The following VWA8 variants were observed in gnomAD, a reference collection of about 807,000 sequenced individuals.
VWA8 encodes von Willebrand factor A domain containing 8.
A neutral mutation model predicts 241.5 loss-of-function variants in VWA8; 221 were observed. The ratio of observed to expected loss-of-function variants is 0.91; its 90% CI spans 0.82 to 1.02. The LOEUF (loss-of-function observed/expected upper bound fraction) is 1.02, where lower values mean the gene tolerates loss of function less well. Among genes scored for constraint, VWA8 ranks in the 50% least tolerant of loss-of-function variants. The probability of loss-of-function intolerance (pLI) is 0.00; values close to 1 mark genes in which losing one functional copy is unlikely to be tolerated. For synonymous variants in VWA8, 852 were observed against 827.1 expected (o/e 1.03, Z -0.52); for missense variants, 2,322 against 2,328.7 (o/e 1.00, Z 0.06).
At position 41,581,442 on chromosome 13, in the gene VWA8, T is replaced by G. The variant is rs533023026; in HGVS notation, c.5272-5604A>C. ...CTAATTCTTCCTTTCCTTTAAAAAT[T>G]TGTTAGCAGTGGAACCCTTCCTTCA... On this transcript the variant is annotated intron_variant, in intron 42 of 44. Coordinates refer to ENST00000379310, the MANE Select transcript of VWA8 (RefSeq NM_015058.2). Among the ~76,000 whole-genome samples the G allele has an allele frequency of 4.6e-5, 7 of 152,336 alleles. No homozygotes were observed. The South Asian group carries it at 1.5e-3, about 32-fold the overall frequency.
chr13:41,914,695 T>G (rs1876171476), intron 2 of VWA8, among the ~76,000 whole-genome samples: 1 of 152,218 alleles, frequency 6.6e-6, no homozygotes, highest in African/African-American at 2.4e-5. Context: ...TTCATAAATC[T>G]CAGCTTAATT....
intron 2 of VWA8, 95 bp from the exon 3 acceptor site, chr13:41,912,263 C>T (rs2875457): frequency 0.26 from 205,762 of 805,122 alleles, 23,721 homozygotes; most frequent in East Asian, 0.28. Context: ...ATATATATAA[C>T]GTATATAAAA....
At chr13:41,676,572 AT>A (rs1390738311) in intron 35 of VWA8, among the ~76,000 whole-genome samples, 3 of 152,068 alleles carry the variant, frequency 2.0e-5, no homozygotes, top group African/African-American at 7.2e-5. Context: ...CAAAAAGTGT[AT>A]GTTATTATTG....
chr13:41,903,382 G>C (rs1296071037), intron 4 of VWA8, among the ~76,000 whole-genome samples: 1 of 152,126 alleles, frequency 6.6e-6, no homozygotes, highest in Admixed American at 6.5e-5. Context: ...TGCCTGAGAT[G>C]AGCAAGATAG....
intron 13 of VWA8, among the ~76,000 whole-genome samples, chr13:41,831,611 G>T (rs1181681235): frequency 8.9e-6 from 1 of 112,962 alleles, no homozygotes; most frequent in South Asian, 3.1e-4. Context: ...GCCCAGGCAT[G>T]AGTTTTTTTT....
chr13:41,793,536 G>A (rs61963083), intron 17 of VWA8, among the ~76,000 whole-genome samples: 4 of 152,016 alleles, frequency 2.6e-5, no homozygotes, highest in Non-Finnish European at 4.4e-5. Context: ...AATTTAGGTC[G>A]GGCACGGTGG....
chr13:41,580,481 G>C (rs1193159525), intron 42 of VWA8, among the ~76,000 whole-genome samples: 1 of 152,182 alleles, frequency 6.6e-6, no homozygotes. Flanking sequence ...GGCAGGTGCT[G>C]ATTTGTGAGT....
chr13:41,829,555 ACACACACACACATG>A (rs915750066), intron 14 of VWA8, among the ~76,000 whole-genome samples: 11 of 144,824 alleles, frequency 7.6e-5, no homozygotes, highest in Admixed American at 4.2e-4. Context: ...ACACACACAC[ACACACACACACATG>A]CACACACACA....
intron 21 of VWA8, among the ~76,000 whole-genome samples, chr13:41,749,556 G>A (rs1447068967): frequency 1.4e-5 from 2 of 142,634 alleles, no homozygotes; most frequent in Non-Finnish European, 2.9e-5. Context: ...ACATGCACAC[G>A]TATGTTTACT....
intron 4 of VWA8, among the ~76,000 whole-genome samples, chr13:41,900,982 CT>C (rs1201429595): frequency 1.3e-5 from 2 of 152,064 alleles, no homozygotes; most frequent in African/African-American, 4.8e-5. Flanking sequence ...CATTTTGGTG[CT>C]TATCTCATAG....
chr13:41,808,321 T>G (rs1172866071), intron 17 of VWA8, among the ~76,000 whole-genome samples: 1 of 152,188 alleles, frequency 6.6e-6, no homozygotes, highest in African/African-American at 2.4e-5. Flanking sequence ...GAAAAGAACT[T>G]TAATTGGCTC....
chr13:41,856,840 A>G, intron 12 of VWA8, among the ~76,000 whole-genome samples: 1 of 146,332 alleles, frequency 6.8e-6, no homozygotes, highest in Non-Finnish European at 1.5e-5. Context: ...ATGAAAATTA[A>G]AAAAAAAAAA....
chr13:41,820,509 A>C (rs1870905692), intron 14 of VWA8, among the ~76,000 whole-genome samples: 1 of 152,218 alleles, frequency 6.6e-6, no homozygotes, highest in Admixed American at 6.5e-5. Context: ...TTTGAAAACA[A>C]GGGGAAACCA....
chr13:41,646,150 G>A (rs992975609), intron 37 of VWA8, among the ~76,000 whole-genome samples: 1 of 152,058 alleles, frequency 6.6e-6, no homozygotes, highest in Non-Finnish European at 1.5e-5. Flanking sequence ...ATTTTTAGTA[G>A]AGAAGGGGTT....
chr13:41,865,269 G>C (rs536118510), intron 12 of VWA8: 3 of 362,456 alleles, frequency 8.3e-6, no homozygotes, highest in African/African-American at 6.6e-5. Flanking sequence ...AAAAATTAGG[G>C]TAATTAAGGT....
At chr13:41,876,337 T>C (rs1229527440) in intron 9 of VWA8, among the ~76,000 whole-genome samples, 1 of 152,042 alleles carries the variant, frequency 6.6e-6, no homozygotes, top group East Asian at 1.9e-4. Flanking sequence ...GAGCCCTACA[T>C]GATCTTTCTT....
At chr13:41,782,307 T>C (rs1328745788) in intron 19 of VWA8, among the ~76,000 whole-genome samples, 2 of 152,246 alleles carry the variant, frequency 1.3e-5, no homozygotes, top group African/African-American at 2.4e-5. Context: ...TGAAGTCTTT[T>C]CAATCTTTGC....
At chr13:41,815,072 C>A (rs9594635) in intron 16 of VWA8, among the ~76,000 whole-genome samples, 6,775 of 152,198 alleles carry the variant, frequency 0.045, 217 homozygotes, top group African/African-American at 0.088. Context: ...CTGAGCAAAT[C>A]CCAAAAAGGA....
Position 41,568,055 on chromosome 13 carries a change from C to T in VWA8, c.*142G>A. 1.5e-6 allele frequency: 1 copy of T among 659,526 alleles called. No individual in the cohort carries two copies. The highest frequency in any genetic ancestry group is 2.6e-6 in the Non-Finnish European group (1 of 384,832). 40.9% of individuals were successfully genotyped at this position (659,526 alleles called of 1,614,324 possible). On this transcript the variant is annotated 3_prime_UTR_variant, in exon 45 of 45. Coordinates refer to ENST00000379310, the MANE Select transcript of VWA8 (RefSeq NM_015058.2). ...GCTTCTCTGAATTCTCATTACGGAG[C>T]AAGTGTAGGAAGACCCAGGAATGCC...
Sources: gnomAD v4.1 joint callset for allele counts (sites outside exome capture counted in the v4.1 genomes callset) on GRCh38, gnomAD v4.1.1 for gene constraint, MANE v1.5 for transcripts, NCBI Gene and HGNC (gene_info 2026-07-23, HGNC 2026-07-21) for gene names.